EPB41L2: variants seen among roughly 807,000 people sequenced by gnomAD.
The protein encoded by EPB41L2 is erythrocyte membrane protein band 4.1 like 2, also known as band 4.1-like protein 2.
EPB41L2 carries 43 observed loss-of-function variants against 113.0 expected under a neutral mutation model. The observed-to-expected ratio is 0.38, with a 90% CI of 0.30 to 0.49. The LOEUF (loss-of-function observed/expected upper bound fraction) is 0.49, where lower values mean the gene tolerates loss of function less well. EPB41L2 is among the 20% of genes least tolerant of loss of function. The pLI is 0.95. For synonymous variants in EPB41L2, 442 were observed against 436.7 expected (o/e 1.01, Z -0.15); for missense variants, 1,147 against 1,223.4 (o/e 0.94, Z 0.93).
chr6:130,998,457 G>T (rs769651185), intron 1 of EPB41L2, among the ~76,000 whole-genome samples: 20 of 152,134 alleles, frequency 1.3e-4, no homozygotes, highest in Non-Finnish European at 2.6e-4. Flanking sequence ...GCTTAAGAAT[G>T]CCTTAGGAAA....
chr6:130,932,528 T>A (rs1281742554), intron 3 of EPB41L2, among the ~76,000 whole-genome samples: 1 of 152,222 alleles, frequency 6.6e-6, no homozygotes, highest in Non-Finnish European at 1.5e-5. Flanking sequence ...CAAGACATAT[T>A]CTAATTTTTT....
At chr6:130,940,838 T>C (rs564289605) in intron 3 of EPB41L2, among the ~76,000 whole-genome samples, 21 of 152,254 alleles carry the variant, frequency 1.4e-4, no homozygotes, top group Admixed American at 1.1e-3. Context: ...CTCCAGCCTA[T>C]AGTAACTTGG....
chr6:130,867,316 G>A, intron 16 of EPB41L2, 143 bp downstream of exon 16: 1 of 1,052,886 alleles, frequency 9.5e-7, no homozygotes, highest in African/African-American at 1.6e-5. Flanking sequence ...AGCAAATTAT[G>A]TTGTTGAAGT....
intron 1 of EPB41L2, among the ~76,000 whole-genome samples, chr6:131,050,126 G>T (rs1403915073): frequency 1.3e-5 from 2 of 152,178 alleles, no homozygotes; most frequent in Non-Finnish European, 2.9e-5. Context: ...ATCACCTGAG[G>T]TCAGGAGTTT....
At chr6:130,883,035 T>C (rs146118649) in intron 12 of EPB41L2, 1 of 152,796 alleles carries the variant, frequency 6.5e-6, no homozygotes, top group Non-Finnish European at 1.5e-5. Flanking sequence ...TCTAGTGTGA[T>C]CTGGTCAGCC....
At chr6:130,940,096 T>A (rs1810304122) in intron 3 of EPB41L2, among the ~76,000 whole-genome samples, 1 of 152,228 alleles carries the variant, frequency 6.6e-6, no homozygotes, top group African/African-American at 2.4e-5. Context: ...CATTTGTATT[T>A]TATGCTTTCT....
chr6:131,038,013 T>A (rs570164503), intron 1 of EPB41L2, among the ~76,000 whole-genome samples: 3 of 152,232 alleles, frequency 2.0e-5, no homozygotes. Flanking sequence ...TTCTTGTGTA[T>A]ATACATACAA....
intron 1 of EPB41L2, among the ~76,000 whole-genome samples, chr6:131,018,764 G>A (rs1179588858): frequency 1.3e-5 from 2 of 152,008 alleles, no homozygotes; most frequent in African/African-American, 4.8e-5. Flanking sequence ...CCAATCAGTG[G>A]ATGTTTACCC....
chr6:131,016,735 G>A (rs995566791), intron 1 of EPB41L2, among the ~76,000 whole-genome samples: 10 of 151,884 alleles, frequency 6.6e-5, no homozygotes, highest in Non-Finnish European at 1.2e-4. Flanking sequence ...ACTGGAGCCC[G>A]GGAGGCAGAG....
At chr6:131,032,005 G>T (rs1289616463) in intron 1 of EPB41L2, among the ~76,000 whole-genome samples, 1 of 152,074 alleles carries the variant, frequency 6.6e-6, no homozygotes, top group East Asian at 1.9e-4. Flanking sequence ...ATTTCAAAAT[G>T]GCTTCAACCC....
intron 19 of EPB41L2, among the ~76,000 whole-genome samples, chr6:130,857,314 A>G (rs879395677): frequency 6.6e-6 from 1 of 152,164 alleles, no homozygotes; most frequent in Non-Finnish European, 1.5e-5. Flanking sequence ...TAGTTTGCAC[A>G]TAGTTTACTC....
intron 5 of EPB41L2, among the ~76,000 whole-genome samples, 166 bp from the exon 6 acceptor site, chr6:130,904,706 G>T (rs1179572391): frequency 2.0e-5 from 3 of 151,740 alleles, no homozygotes; most frequent in Non-Finnish European, 4.4e-5. Context: ...AAATAAAAAT[G>T]AAATAAAAAA....
intron 1 of EPB41L2, among the ~76,000 whole-genome samples, chr6:131,030,504 T>C (rs952704246): frequency 4.6e-5 from 7 of 152,232 alleles, no homozygotes; most frequent in Admixed American, 1.3e-4. Flanking sequence ...AAGTAAAATA[T>C]GCAGCCTTCT....
At chr6:130,879,474 A>G (rs1205999269) in intron 13 of EPB41L2, among the ~76,000 whole-genome samples, 4 of 152,146 alleles carry the variant, frequency 2.6e-5, no homozygotes, top group South Asian at 2.1e-4. Flanking sequence ...CATTGAATAC[A>G]TTGCCACATA....
chr6:130,861,337 G>T (rs1257078898), intron 18 of EPB41L2, among the ~76,000 whole-genome samples: 4 of 152,106 alleles, frequency 2.6e-5, no homozygotes, highest in Non-Finnish European at 5.9e-5. Flanking sequence ...CTCCCAAAGT[G>T]CTGAGATTAC....
chr6:130,986,353 T>G (rs1184449136), intron 1 of EPB41L2, among the ~76,000 whole-genome samples: 1 of 152,058 alleles, frequency 6.6e-6, no homozygotes, highest in African/African-American at 2.4e-5. Flanking sequence ...GAAAAGATAT[T>G]AAACATCATT....
chr6:131,035,266 G>A (rs1327433617), intron 1 of EPB41L2, among the ~76,000 whole-genome samples: 3 of 152,154 alleles, frequency 2.0e-5, no homozygotes, highest in Non-Finnish European at 2.9e-5. Context: ...AGATGCTATC[G>A]CAAACTCTTA....
intron 1 of EPB41L2, 25 bp downstream of exon 1, chr6:131,063,130 A>T (rs1408729764): frequency 6.6e-6 from 1 of 152,584 alleles, no homozygotes; most frequent in Non-Finnish European, 1.5e-5. Flanking sequence ...GCAGCCCCGC[A>T]CGCCTCCTTA....
chr6:130,885,486 C>CA (rs747767661), intron 11 of EPB41L2, among the ~76,000 whole-genome samples: 6 of 152,172 alleles, frequency 3.9e-5, no homozygotes, highest in Non-Finnish European at 1.5e-5. Flanking sequence ...CACTGAGCTA[C>CA]ACCAGGGTCT....
Sources: gnomAD v4.1 joint callset for allele counts (sites outside exome capture counted in the v4.1 genomes callset) on GRCh38, gnomAD v4.1.1 for gene constraint, MANE v1.5 for transcripts, NCBI Gene and HGNC (gene_info 2026-07-23, HGNC 2026-07-21) for gene names.